BCL2: variants seen among roughly 807,000 people sequenced by gnomAD.
BCL2 encodes BCL2 apoptosis regulator.
Under a neutral mutation model 14.2 loss-of-function variants are expected in BCL2, and 1 was observed. That is an observed-to-expected ratio of 0.07 (90% CI 0.02 to 0.33). BCL2 has a LOEUF of 0.33. BCL2 is among the 10% of genes least tolerant of loss of function. BCL2 has a pLI of 0.99. For synonymous variants in BCL2, 151 were observed against 137.2 expected, an observed-to-expected ratio of 1.10 and a Z score of -0.70; for missense variants, 247 against 305.9, an observed-to-expected ratio of 0.81 and a Z score of 1.44.
At chr18:63,171,446 A>G (rs1915218308) in intron 2 of BCL2, among the ~76,000 whole-genome samples, 1 of 152,240 alleles carries the variant, frequency 6.6e-6, no homozygotes, top group African/African-American at 2.4e-5. Context: ...TGTAAAGAAA[A>G]TGCTTAGCAA....
At chr18:63,182,985 T>C (rs183794682) in intron 2 of BCL2, among the ~76,000 whole-genome samples, 64 of 152,348 alleles carry the variant, frequency 4.2e-4, no homozygotes, top group African/African-American at 1.5e-3. Context: ...GCCACGGTAC[T>C]GCCTGGAGCA....
chr18:63,163,519 G>T (rs1914973689), intron 2 of BCL2, among the ~76,000 whole-genome samples: 1 of 152,088 alleles, frequency 6.6e-6, no homozygotes, highest in Non-Finnish European at 1.5e-5. Context: ...TGCCAAAAAG[G>T]TGTAATAAGC....
intron 2 of BCL2, among the ~76,000 whole-genome samples, chr18:63,230,002 G>T (rs1224332877): frequency 6.6e-6 from 1 of 152,010 alleles, no homozygotes; most frequent in Non-Finnish European, 1.5e-5. Flanking sequence ...AAAGGGAAAA[G>T]ATTTAATATT....
At chr18:63,317,531 T>C (rs1304230610) in intron 2 of BCL2, 4 of 983,942 alleles carry the variant, frequency 4.1e-6, no homozygotes, top group Non-Finnish European at 4.8e-6. Flanking sequence ...AAGACTTACA[T>C]TGGTTTTCCT....
chr18:63,254,756 T>C (rs1022780821), intron 2 of BCL2, among the ~76,000 whole-genome samples: 1 of 152,214 alleles, frequency 6.6e-6, no homozygotes, highest in Admixed American at 6.5e-5. Flanking sequence ...TGTACTGTCC[T>C]TGTTCTTCAC....
chr18:63,175,464 C>CAGCT (rs1383357967), intron 2 of BCL2, among the ~76,000 whole-genome samples: 1 of 152,234 alleles, frequency 6.6e-6, no homozygotes, highest in Non-Finnish European at 1.5e-5. Flanking sequence ...AGGCTTCAGC[C>CAGCT]AGCTGTAAGC....
At chr18:63,210,730 T>C (rs970595369) in intron 2 of BCL2, among the ~76,000 whole-genome samples, 63 of 152,220 alleles carry the variant, frequency 4.1e-4, no homozygotes, top group Non-Finnish European at 8.8e-4. Context: ...TTCAGTTCTT[T>C]TTTTTCCACT....
intron 2 of BCL2, among the ~76,000 whole-genome samples, chr18:63,198,484 AC>A (rs142638803): frequency 6.9e-4 from 103 of 149,112 alleles, no homozygotes; most frequent in African/African-American, 2.4e-3. Flanking sequence ...ACTGACAGAG[AC>A]ACACACAGAC....
In BCL2 at chr18:63,217,859, C is replaced by T. The variant is rs114316360; in HGVS notation, c.586-89100G>A. Among the ~76,000 whole-genome samples the T allele has an allele frequency of 4.3e-3, 657 of 152,266 alleles. 10 individuals are homozygous for T. Among genetic ancestry groups the T allele is most frequent in the African/African-American group, 0.013 (520 of 41,538 alleles). On this transcript the variant is annotated intron_variant, in intron 2 of 2. Coordinates refer to ENST00000333681, the MANE Select transcript of BCL2 (RefSeq NM_000633.3). ...GTTCTAGGTTTAACACAAAATTAGA[C>T]GTTGAGTGTTCACTTTAAGCAAAAT...
intron 2 of BCL2, among the ~76,000 whole-genome samples, chr18:63,167,202 G>T (rs1010432440): frequency 6.6e-6 from 1 of 151,968 alleles, no homozygotes; most frequent in African/African-American, 2.4e-5. Flanking sequence ...TGTCTTTCTC[G>T]CCTTCCTTCA....
At chr18:63,233,585 C>T (rs1910743807) in intron 2 of BCL2, among the ~76,000 whole-genome samples, 1 of 152,062 alleles carries the variant, frequency 6.6e-6, no homozygotes, top group South Asian at 2.1e-4. Flanking sequence ...AATAGGGTTG[C>T]GCTCCTATGA....
chr18:63,291,394 C>T (rs991538288), intron 2 of BCL2, among the ~76,000 whole-genome samples: 3 of 152,294 alleles, frequency 2.0e-5, no homozygotes, highest in Middle Eastern at 6.8e-3. Flanking sequence ...ACTCTTCTTA[C>T]CAAAGATTCA....
In BCL2 at chr18:63,267,254, A is replaced by G. The variant is rs535155803; in HGVS notation, c.585+50828T>C. 7.2e-5 allele frequency among the ~76,000 whole-genome samples: 11 copies of G among 152,246 alleles called. 1 individual carries two copies. The Middle Eastern group carries it at 0.014, about 188-fold the overall frequency. ...TGCTTGGGTAGGTTTTCCTAGAAAAATTTCTCTGGCAAGAGTCAGGAGGAC... is the reference window on the plus strand; with the variant it reads ...TGCTTGGGTAGGTTTTCCTAGAAAAGTTTCTCTGGCAAGAGTCAGGAGGAC... On this transcript the variant is annotated intron_variant, in intron 2 of 2. Transcript: ENST00000333681.
chr18:63,175,007 C>G (rs1915321090), intron 2 of BCL2, among the ~76,000 whole-genome samples: 1 of 152,150 alleles, frequency 6.6e-6, no homozygotes, highest in African/African-American at 2.4e-5. Context: ...TGAGGGGTAT[C>G]TGTCTTGACA....
chr18:63,310,220 T>C (rs548453988), intron 2 of BCL2, among the ~76,000 whole-genome samples: 7 of 152,164 alleles, frequency 4.6e-5, no homozygotes, highest in Non-Finnish European at 1.0e-4. Context: ...AACCCAAAGA[T>C]AGGGAGGGCT....
At chr18:63,150,316 T>C (rs1914622816) in intron 2 of BCL2, among the ~76,000 whole-genome samples, 1 of 152,236 alleles carries the variant, frequency 6.6e-6, no homozygotes. Context: ...GTTTCTCTCT[T>C]CTTCAGCAAC....
At chr18:63,218,760 C>CAT (rs1568237527) in intron 2 of BCL2, among the ~76,000 whole-genome samples, 4 of 6,494 alleles carry the variant, frequency 6.2e-4, no homozygotes, top group Non-Finnish European at 1.3e-3. Flanking sequence ...CCACTCATCC[C>CAT]CCTCTACTCA....
chr18:63,293,956 T>C (rs1910282359), intron 2 of BCL2, among the ~76,000 whole-genome samples: 1 of 123,462 alleles, frequency 8.1e-6, no homozygotes, highest in Non-Finnish European at 1.8e-5. Flanking sequence ...TGTGCTTTTT[T>C]TCTCTTTTTT....
At chr18:63,157,471 G>A (rs536617883) in intron 2 of BCL2, among the ~76,000 whole-genome samples, 7 of 152,330 alleles carry the variant, frequency 4.6e-5, no homozygotes, top group African/African-American at 1.4e-4. Flanking sequence ...AACCATGCAC[G>A]CGGCAGTTGA....
Sources: gnomAD v4.1 joint callset for allele counts (sites outside exome capture counted in the v4.1 genomes callset) on GRCh38, gnomAD v4.1.1 for gene constraint, MANE v1.5 for transcripts, NCBI Gene and HGNC (gene_info 2026-07-23, HGNC 2026-07-21) for gene names.